The following GRM7 variants were observed in gnomAD, a reference collection of about 807,000 sequenced individuals.
GRM7 encodes metabotropic glutamate receptor 7.
Under a neutral mutation model 84.5 loss-of-function variants are expected in GRM7, and 35 were observed. That is an observed-to-expected ratio of 0.41 (90% CI 0.32 to 0.55). The LOEUF is 0.55. Ranked by LOEUF, GRM7 falls within the 20% of genes least tolerant of loss-of-function variation. The pLI is 0.19. For missense variants in GRM7, 1,003 were observed against 1,194.6 expected (o/e 0.84, Z 2.36); for synonymous variants, 487 against 455.1 (o/e 1.07, Z -0.89).
At chr3:7,009,911 G>A (rs977706620) in intron 1 of GRM7, among the ~76,000 whole-genome samples, 1 of 152,112 alleles carries the variant, frequency 6.6e-6, no homozygotes, top group Admixed American at 6.5e-5. Flanking sequence ...ACTCCAAAAT[G>A]TTAAGACCCA....
At chr3:7,494,740 A>T (rs2124955507) in intron 7 of GRM7, among the ~76,000 whole-genome samples, 1 of 152,096 alleles carries the variant, frequency 6.6e-6, no homozygotes, top group East Asian at 1.9e-4. Context: ...CCATCCAGCC[A>T]ATATTTTTAT....
intron 1 of GRM7, among the ~76,000 whole-genome samples, chr3:7,130,901 T>C (rs1191098179): frequency 1.3e-5 from 2 of 151,904 alleles, no homozygotes; most frequent in East Asian, 3.9e-4. Flanking sequence ...AGCCTGAAAA[T>C]ACCTTGGAAA....
chr3:7,179,655 A>G (rs532845744), intron 2 of GRM7, among the ~76,000 whole-genome samples: 2 of 152,224 alleles, frequency 1.3e-5, no homozygotes, highest in African/African-American at 4.8e-5. Context: ...CCCTACAGAC[A>G]CCTTGTAACT....
Position 7,415,111 on chromosome 3 carries a change from C to A in GRM7, c.1122C>A (p.Cys374Ter). Residue 374 changes from cysteine to a stop codon, truncating the protein, a stop_gained, in exon 5 of 10, where the codon TGC (cysteine) becomes TGA (stop). Transcript: ENST00000357716. LOFTEE classifies it high-confidence loss of function. The stretch of plus-strand genomic sequence containing the variant: ...AATACTGGGAGGAAAACTTCAACTG[C>A]AAGTTGACGATTAGTGGGTCAAAAA... Reference protein sequence around the residue: ...FAEYWEENFNCKLTISGSKKE... With the variant: ...FAEYWEENFN 6.2e-7 allele frequency: 1 copy of A among 1,610,490 alleles called. No homozygotes were observed.
At chr3:7,176,006 A>T (rs773676180) in intron 2 of GRM7, among the ~76,000 whole-genome samples, 2 of 152,120 alleles carry the variant, frequency 1.3e-5, no homozygotes, top group Non-Finnish European at 2.9e-5. Flanking sequence ...TACCACCTGC[A>T]TCGTTACATA....
At chr3:7,002,970 G>C (rs142013214) in intron 1 of GRM7, among the ~76,000 whole-genome samples, 1 of 152,132 alleles carries the variant, frequency 6.6e-6, no homozygotes, top group Non-Finnish European at 1.5e-5. Flanking sequence ...ATTGTGCTAA[G>C]TGAAATGAGC....
intron 2 of GRM7, among the ~76,000 whole-genome samples, chr3:7,218,580 G>A (rs911973365): frequency 6.6e-6 from 1 of 151,906 alleles, no homozygotes; most frequent in Admixed American, 6.6e-5. Context: ...TAAGGTAATT[G>A]CATAAATATT....
At chr3:7,630,220 G>T (rs1265753779) in intron 8 of GRM7, among the ~76,000 whole-genome samples, 1 of 152,190 alleles carries the variant, frequency 6.6e-6, no homozygotes, top group African/African-American at 2.4e-5. Context: ...GGGTACTCAT[G>T]AAAGAAGGCC....
chr3:7,613,696 A>G (rs1188312980), intron 8 of GRM7, among the ~76,000 whole-genome samples: 2 of 152,082 alleles, frequency 1.3e-5, no homozygotes, highest in African/African-American at 2.4e-5. Context: ...TTTCCTCTCT[A>G]AGGCCCCTTC....
At chr3:6,934,594 G>C (rs1192185891) in intron 1 of GRM7, among the ~76,000 whole-genome samples, 3 of 152,126 alleles carry the variant, frequency 2.0e-5, no homozygotes. Flanking sequence ...TATATTTTTG[G>C]AAGAGATTTG....
intron 1 of GRM7, among the ~76,000 whole-genome samples, chr3:6,951,873 CT>C (rs1336448854): frequency 1.3e-5 from 2 of 152,118 alleles, no homozygotes; most frequent in Non-Finnish European, 1.5e-5. Context: ...TTTTGTAGCT[CT>C]GTTTTTTGCC....
chr3:7,176,315 G>A (rs1273170581), intron 2 of GRM7, among the ~76,000 whole-genome samples: 2 of 150,548 alleles, frequency 1.3e-5, no homozygotes, highest in Non-Finnish European at 3.0e-5. Context: ...AGAGGCAAAG[G>A]TGGGAGGATT....
intron 4 of GRM7, among the ~76,000 whole-genome samples, chr3:7,309,589 G>A (rs573052201): frequency 3.2e-4 from 48 of 152,060 alleles, no homozygotes; most frequent in Middle Eastern, 3.4e-3. Context: ...TCATGACTAC[G>A]TTCAGCAAAC....
At chr3:7,110,811 T>C (rs1692822911) in intron 1 of GRM7, among the ~76,000 whole-genome samples, 1 of 151,988 alleles carries the variant, frequency 6.6e-6, no homozygotes, top group African/African-American at 2.4e-5. Flanking sequence ...ATTAGCAACA[T>C]CAAGGTTTGA....
chr3:6,889,853 A>T (rs1270164627), intron 1 of GRM7, among the ~76,000 whole-genome samples: 2 of 152,132 alleles, frequency 1.3e-5, no homozygotes, highest in Non-Finnish European at 2.9e-5. Flanking sequence ...CTGTGAATCC[A>T]TCTGGTCCTG....
intron 2 of GRM7, among the ~76,000 whole-genome samples, chr3:7,174,409 A>AT: frequency 6.6e-6 from 1 of 152,286 alleles, no homozygotes; most frequent in Non-Finnish European, 1.5e-5. Flanking sequence ...TTAAAATAGA[A>AT]TTTTTTTAGA....
chr3:7,300,520 A>G (rs1339549218), intron 3 of GRM7, among the ~76,000 whole-genome samples: 3 of 152,186 alleles, frequency 2.0e-5, no homozygotes, highest in Non-Finnish European at 4.4e-5. Context: ...TCAAATGAAC[A>G]TCCTTCGGAG....
In GRM7 at chr3:7,336,363, C is replaced by A. The variant is rs115010036; in HGVS notation, c.1033+29711C>A. On this transcript the variant is annotated intron_variant, in intron 4 of 9. Transcript: ENST00000357716. ...AGTATTCCTTTATAACTAAAACCCTCAGCAAAATTGGCATAGAAGGGACAT... is the reference window on the plus strand; with the variant it reads ...AGTATTCCTTTATAACTAAAACCCTAAGCAAAATTGGCATAGAAGGGACAT... Among the ~76,000 whole-genome samples the A allele has an allele frequency of 9.8e-3, 1,491 of 151,992 alleles. 14 individuals carry two copies. The highest frequency in any genetic ancestry group is 0.028 in the Admixed American group (420 of 15,244).
chr3:7,066,540 C>T (rs1697672024), intron 1 of GRM7, among the ~76,000 whole-genome samples: 1 of 151,732 alleles, frequency 6.6e-6, no homozygotes, highest in Non-Finnish European at 1.5e-5. Flanking sequence ...TTAAAAATTA[C>T]CAACAACAAA....
Sources: gnomAD v4.1 joint callset for allele counts (sites outside exome capture counted in the v4.1 genomes callset) on GRCh38, gnomAD v4.1.1 for gene constraint, MANE v1.5 for transcripts, NCBI Gene and HGNC (gene_info 2026-07-23, HGNC 2026-07-21) for gene names.